The following FAM184A variants were observed in gnomAD, a reference collection of about 807,000 sequenced individuals.
FAM184A encodes family with sequence similarity 184 member A, also known as protein FAM184A.
A neutral mutation model predicts 143.8 loss-of-function variants in FAM184A; 99 were observed. The ratio of observed to expected loss-of-function variants is 0.69; its 90% CI spans 0.58 to 0.81. FAM184A has a LOEUF of 0.81. FAM184A is among the 40% of genes least tolerant of loss of function. FAM184A has a pLI of 0.00. For missense variants in FAM184A, 1,217 were observed against 1,310.5 expected (o/e 0.93, Z 1.10); for synonymous variants, 427 against 446.4 (o/e 0.96, Z 0.55).
chr6:119,022,053 C>CTTTTTTT (rs34128659), intron 3 of FAM184A, among the ~76,000 whole-genome samples: 379 of 84,344 alleles, frequency 4.5e-3, no homozygotes, highest in Middle Eastern at 8.9e-3. Context: ...TTCGTTCTTT[C>CTTTTTTT]TTTTTTTTTT....
chr6:119,070,560 G>C (rs191360902), intron 1 of FAM184A, among the ~76,000 whole-genome samples: 40 of 152,114 alleles, frequency 2.6e-4, no homozygotes, highest in Admixed American at 2.5e-3. Context: ...AAACCTAATA[G>C]TTTGATATGA....
chr6:118,992,662 G>T (rs1784414871), intron 9 of FAM184A, among the ~76,000 whole-genome samples: 1 of 152,142 alleles, frequency 6.6e-6, no homozygotes, highest in Admixed American at 6.5e-5. Context: ...CAGGCACAGT[G>T]GCTCATGTAA....
chr6:119,027,071 A>C (rs1244278109), intron 1 of FAM184A, among the ~76,000 whole-genome samples: 2 of 152,184 alleles, frequency 1.3e-5, no homozygotes, highest in Non-Finnish European at 2.9e-5. Context: ...GCATTTCTTT[A>C]TGCTGAATTC....
chr6:119,069,106 C>A, intron 1 of FAM184A: 1 of 352,240 alleles, frequency 2.8e-6, no homozygotes, highest in Non-Finnish European at 6.3e-6. Flanking sequence ...AAGGCCAAAA[C>A]CACAATTACT....
At chr6:118,985,266 A>T (rs571200195) in intron 9 of FAM184A, among the ~76,000 whole-genome samples, 17 of 152,382 alleles carry the variant, frequency 1.1e-4, no homozygotes, top group African/African-American at 4.1e-4. Context: ...CAGCTGAAAC[A>T]GAGACACCTG....
chr6:119,111,176 T>C (rs1270447386), intron 1 of FAM184A, among the ~76,000 whole-genome samples: 1 of 152,226 alleles, frequency 6.6e-6, no homozygotes, highest in African/African-American at 2.4e-5. Flanking sequence ...ACAAACAATA[T>C]AATATTATTC....
At chr6:119,107,792 A>AAAAAAAAAAG (rs763545394) in intron 1 of FAM184A, among the ~76,000 whole-genome samples, 4 of 136,488 alleles carry the variant, frequency 2.9e-5, no homozygotes, top group Non-Finnish European at 3.1e-5. Context: ...AAAAAAAAAA[A>AAAAAAAAAAG]AAAGAAAGAA....
At chr6:119,063,698 T>C (rs765205838) in intron 1 of FAM184A, among the ~76,000 whole-genome samples, 2 of 152,126 alleles carry the variant, frequency 1.3e-5, no homozygotes, top group Non-Finnish European at 2.9e-5. Context: ...TAGCAGGTAA[T>C]AGTTGCTCCA....
chr6:119,050,392 G>A (rs977859246), intron 1 of FAM184A, among the ~76,000 whole-genome samples: 2 of 151,910 alleles, frequency 1.3e-5, no homozygotes, highest in Admixed American at 6.5e-5. Context: ...GTTCACTGCG[G>A]CACTATTCAC....
At chr6:118,978,102 T>C (rs1469183936) in intron 11 of FAM184A, among the ~76,000 whole-genome samples, 1 of 152,128 alleles carries the variant, frequency 6.6e-6, no homozygotes, top group Non-Finnish European at 1.5e-5. Context: ...TAGCTAGGAT[T>C]ACAGGCATGC....
chr6:119,146,396 ACGTGTGTGTGTGTGTGTG>A lies in FAM184A; in HGVS notation c.-202+2664_-202+2681del, dbSNP rs1199683277. Among the ~76,000 whole-genome samples, 63 of 95,428 alleles carry A rather than the reference ACGTGTGTGTGTGTGTGTG, an allele frequency of 6.6e-4. 1 individual carries two copies. Among genetic ancestry groups the A allele is most frequent in the African/African-American group, 2.6e-3 (62 of 24,246 alleles). 62.6% of individuals were successfully genotyped at this position (95,428 alleles called of 152,430 possible). Reference sequence around the variant, plus strand: ...CTTCAGTGCCTTTCCCGATTAACTTACGTGTGTGTGTGTGTGTGTGTGTGTGTGTGTGTGTGTGTGTGT... The same window carrying A: ...CTTCAGTGCCTTTCCCGATTAACTTATGTGTGTGTGTGTGTGTGTGTGTGT... On this transcript the variant is annotated intron_variant, in intron 1 of 16. Transcript: ENST00000352896.
chr6:119,062,399 C>G (rs1787293759), intron 1 of FAM184A, among the ~76,000 whole-genome samples: 1 of 152,112 alleles, frequency 6.6e-6, no homozygotes, highest in African/African-American at 2.4e-5. Context: ...CATGGTGGCT[C>G]ACATCTGTAA....
chr6:119,085,514 TA>T (rs1173096751), intron 1 of FAM184A, among the ~76,000 whole-genome samples: 2 of 152,236 alleles, frequency 1.3e-5, no homozygotes, highest in African/African-American at 2.4e-5. Flanking sequence ...CACAAAAATT[TA>T]ACCAGTTTCT....
intron 1 of FAM184A, among the ~76,000 whole-genome samples, chr6:119,053,710 G>A (rs558696048): frequency 2.8e-4 from 42 of 152,238 alleles, no homozygotes; most frequent in African/African-American, 9.9e-4. Flanking sequence ...ACAAAGGGAG[G>A]TAACTGAGTG....
intron 5 of FAM184A, among the ~76,000 whole-genome samples, chr6:119,015,112 T>C (rs1415326303): frequency 6.6e-6 from 1 of 151,816 alleles, no homozygotes; most frequent in East Asian, 1.9e-4. Context: ...CAGCAAATCA[T>C]TGCTCTACAA....
chr6:119,042,760 T>C (rs943047245), intron 1 of FAM184A, among the ~76,000 whole-genome samples: 3 of 152,198 alleles, frequency 2.0e-5, no homozygotes, highest in Non-Finnish European at 4.4e-5. Flanking sequence ...CTTTGGGTGA[T>C]AATGATGTGT....
At chr6:119,016,994 G>C (rs111557824) in intron 4 of FAM184A, 50 bp from the exon 5 acceptor site, 12 of 1,274,406 alleles carry the variant, frequency 9.4e-6, no homozygotes, top group Non-Finnish European at 1.0e-5. Context: ...TTTCATTACT[G>C]TTATTAGGGT....
intron 1 of FAM184A, among the ~76,000 whole-genome samples, chr6:119,051,383 T>A (rs1245680871): frequency 3.3e-5 from 5 of 152,116 alleles, no homozygotes; most frequent in South Asian, 4.1e-4. Flanking sequence ...TACTAGAGGC[T>A]GGAGAGGGTA....
At chr6:119,084,119 G>A (rs1055924857) in intron 1 of FAM184A, among the ~76,000 whole-genome samples, 5 of 152,050 alleles carry the variant, frequency 3.3e-5, no homozygotes, top group Middle Eastern at 6.8e-3. Flanking sequence ...AAAGGGGGAG[G>A]TCCCACTTTA....
Sources: gnomAD v4.1 joint callset for allele counts (sites outside exome capture counted in the v4.1 genomes callset) on GRCh38, gnomAD v4.1.1 for gene constraint, MANE v1.5 for transcripts, NCBI Gene and HGNC (gene_info 2026-07-23, HGNC 2026-07-21) for gene names.